SSBP2: variants seen among roughly 807,000 people sequenced by gnomAD.
The protein encoded by SSBP2 is single stranded DNA binding protein 2, also known as single-stranded DNA-binding protein 2.
Under a neutral mutation model 61.8 loss-of-function variants are expected in SSBP2, and 17 were observed. That is an observed-to-expected ratio of 0.28 (90% CI 0.19 to 0.41). The LOEUF (loss-of-function observed/expected upper bound fraction) is 0.41, where lower values mean the gene tolerates loss of function less well. Among genes scored for constraint, SSBP2 ranks in the 10% least tolerant of loss-of-function variants. The pLI, the probability that SSBP2 is intolerant of heterozygous loss-of-function variation, is 1.00. For missense variants in SSBP2, 310 were observed against 458.7 expected (o/e 0.68, Z 2.96); for synonymous variants, 139 against 141.3 (o/e 0.98, Z 0.12).
At chr5:81,508,039 T>A (rs1391327288) in intron 5 of SSBP2, among the ~76,000 whole-genome samples, 1 of 152,148 alleles carries the variant, frequency 6.6e-6, no homozygotes, top group East Asian at 1.9e-4. Flanking sequence ...GCCACAAGAA[T>A]GAATAAATAG....
Position 81,437,475 on chromosome 5 carries a change from A to G in SSBP2, c.929-17T>C, listed in dbSNP as rs764808359. ...CTCCTGAGCCTGAAACAAAATATAA[A>G]AAGAAAGCCTTTATTAGGTAAGATT... On this transcript the variant is annotated splice_polypyrimidine_tract_variant and intron_variant, in intron 14 of 16. Coordinates refer to ENST00000320672, the MANE Select transcript of SSBP2 (RefSeq NM_012446.5). 1.2e-6 allele frequency: 2 copies of G among 1,602,144 alleles called. No individual in the cohort carries two copies. Among genetic ancestry groups the G allele is most frequent in the South Asian group, 1.1e-5 (1 of 88,382 alleles).
At chr5:81,507,454 T>C (rs962419946) in intron 5 of SSBP2, among the ~76,000 whole-genome samples, 3 of 152,034 alleles carry the variant, frequency 2.0e-5, no homozygotes, top group Admixed American at 6.6e-5. Context: ...AGTAAATATA[T>C]CAAGATAAAA....
intron 1 of SSBP2, among the ~76,000 whole-genome samples, chr5:81,722,722 A>G (rs1755620599): frequency 6.6e-6 from 1 of 151,966 alleles, no homozygotes; most frequent in African/African-American, 2.4e-5. Context: ...TATAAAGTAC[A>G]CCAGTGTAAA....
intron 4 of SSBP2, among the ~76,000 whole-genome samples, chr5:81,588,839 G>A (rs759653798): frequency 4.6e-5 from 7 of 152,160 alleles, no homozygotes; most frequent in Non-Finnish European, 7.4e-5. Context: ...TGAGGCAGGT[G>A]GAACTCCTGA....
In SSBP2 at chr5:81,442,824, C is replaced by A. The variant is rs533471059; in HGVS notation, c.779-101G>T. The stretch of plus-strand genomic sequence containing the variant: ...ATGGTTTGCATACAGATACCTCTCT[C>A]TATATAAGCTGCAACACTTGAAATT... On this transcript the variant is annotated intron_variant, in intron 12 of 16. Transcript: ENST00000320672. 4.5e-4 allele frequency: 236 copies of A among 522,482 alleles called. 2 individuals are homozygous for A. Among genetic ancestry groups the A allele is most frequent in the African/African-American group, 3.8e-3 (187 of 49,762 alleles). The allele number at this position is 522,482 out of a possible 1,614,324, so 32.4% of individuals were successfully genotyped here.
intron 1 of SSBP2, among the ~76,000 whole-genome samples, chr5:81,726,042 A>G (rs952429659): frequency 4.6e-5 from 7 of 152,330 alleles, no homozygotes; most frequent in East Asian, 1.9e-4. Context: ...AGCACCATAT[A>G]TTTTTTAAAG....
intron 1 of SSBP2, among the ~76,000 whole-genome samples, chr5:81,735,535 A>T (rs1441337888): frequency 2.6e-5 from 4 of 152,216 alleles, no homozygotes; most frequent in African/African-American, 9.6e-5. Context: ...TGCTATGTAA[A>T]CAGTTCTTAT....
intron 4 of SSBP2, among the ~76,000 whole-genome samples, chr5:81,595,249 G>T (rs1012836397): frequency 1.3e-5 from 2 of 152,076 alleles, no homozygotes; most frequent in Non-Finnish European, 2.9e-5. Flanking sequence ...AGAAGAAATG[G>T]ATAAATTCCT....
chr5:81,703,531 C>T (rs1003693424), intron 1 of SSBP2, among the ~76,000 whole-genome samples: 1 of 151,434 alleles, frequency 6.6e-6, no homozygotes, highest in African/African-American at 2.4e-5. Context: ...GCACATTGTG[C>T]ACATGTACCC....
intron 6 of SSBP2, 71 bp from the exon 7 acceptor site, chr5:81,474,633 C>T: frequency 9.4e-7 from 1 of 1,066,406 alleles, no homozygotes; most frequent in Non-Finnish European, 1.3e-6. Context: ...TAACAATTTC[C>T]TTTTAAATGC....
intron 1 of SSBP2, among the ~76,000 whole-genome samples, chr5:81,748,489 C>A (rs962376232): frequency 1.3e-5 from 2 of 152,256 alleles, no homozygotes; most frequent in South Asian, 4.1e-4. Flanking sequence ...TAGATCAACT[C>A]TCCCACCAAG....
At chr5:81,539,160 A>C (rs1771047007) in intron 4 of SSBP2, among the ~76,000 whole-genome samples, 1 of 152,230 alleles carries the variant, frequency 6.6e-6, no homozygotes, top group African/African-American at 2.4e-5. Context: ...CATAAACTAG[A>C]GTTTGGAAGT....
chr5:81,710,874 A>C, intron 1 of SSBP2: 1 of 241,818 alleles, frequency 4.1e-6, no homozygotes, highest in Non-Finnish European at 8.4e-6. Flanking sequence ...GAAATCTGCA[A>C]ATCAAGTTTA....
intron 5 of SSBP2, among the ~76,000 whole-genome samples, chr5:81,496,541 C>A (rs1299734280): frequency 6.6e-6 from 1 of 152,134 alleles, no homozygotes; most frequent in Non-Finnish European, 1.5e-5. Context: ...TATAAACTTA[C>A]AAAATAATTT....
intron 4 of SSBP2, among the ~76,000 whole-genome samples, chr5:81,591,307 G>A (rs1775481392): frequency 6.6e-6 from 1 of 152,132 alleles, no homozygotes; most frequent in Non-Finnish European, 1.5e-5. Flanking sequence ...CGGAAAAAGA[G>A]GAGGCATGCC....
intron 5 of SSBP2, among the ~76,000 whole-genome samples, chr5:81,501,841 A>G (rs536044765): frequency 1.3e-4 from 20 of 152,050 alleles, no homozygotes; most frequent in Admixed American, 2.0e-4. Flanking sequence ...AAGATTACAG[A>G]CGTGAGCCAC....
At chr5:81,503,311 G>A (rs546500472) in intron 5 of SSBP2, among the ~76,000 whole-genome samples, 16 of 152,170 alleles carry the variant, frequency 1.1e-4, no homozygotes, top group African/African-American at 1.7e-4. Context: ...AAAATTAGCC[G>A]GGTGTGGTGG....
chr5:81,640,935 T>A (rs930209134), intron 2 of SSBP2, among the ~76,000 whole-genome samples: 1 of 152,248 alleles, frequency 6.6e-6, no homozygotes, highest in Non-Finnish European at 1.5e-5. Flanking sequence ...AGAACCATCC[T>A]AATCATATGA....
At chr5:81,691,390 C>A (rs1753191570) in intron 1 of SSBP2, among the ~76,000 whole-genome samples, 1 of 151,836 alleles carries the variant, frequency 6.6e-6, no homozygotes, top group South Asian at 2.1e-4. Context: ...ACAATTGTTA[C>A]CACAGAAATA....
Sources: gnomAD v4.1 joint callset for allele counts (sites outside exome capture counted in the v4.1 genomes callset) on GRCh38, gnomAD v4.1.1 for gene constraint, MANE v1.5 for transcripts, NCBI Gene and HGNC (gene_info 2026-07-23, HGNC 2026-07-21) for gene names.